The following NXPH1 variants were observed in gnomAD, a reference collection of about 807,000 sequenced individuals.
NXPH1 encodes the protein neurexophilin 1, also known as neurexophilin-1.
NXPH1 carries 5 observed loss-of-function variants against 23.7 expected under a neutral mutation model. The observed-to-expected ratio is 0.21, with a 90% CI of 0.11 to 0.44. The LOEUF (loss-of-function observed/expected upper bound fraction) is 0.44, where lower values mean the gene tolerates loss of function less well. Among genes scored for constraint, NXPH1 ranks in the 20% least tolerant of loss-of-function variants. The probability of loss-of-function intolerance (pLI) is 0.99; values close to 1 mark genes in which losing one functional copy is unlikely to be tolerated. For missense variants in NXPH1, 324 were observed against 321.6 expected (o/e 1.01, Z -0.06); for synonymous variants, 144 against 122.2 (o/e 1.18, Z -1.18).
At chr7:8,691,109 C>G (rs1409064764) in intron 2 of NXPH1, among the ~76,000 whole-genome samples, 2 of 152,040 alleles carry the variant, frequency 1.3e-5, no homozygotes, top group Non-Finnish European at 2.9e-5. Flanking sequence ...GGGTATAATC[C>G]TAACTTTCCA....
intron 2 of NXPH1, among the ~76,000 whole-genome samples, chr7:8,550,563 T>C (rs1167882787): frequency 6.6e-6 from 1 of 151,562 alleles, no homozygotes. Flanking sequence ...TTAAAAATAG[T>C]ATTACTTTAT....
chr7:8,678,181 A>C (rs1463029615), intron 2 of NXPH1, among the ~76,000 whole-genome samples: 1 of 152,160 alleles, frequency 6.6e-6, no homozygotes. Context: ...TCGCTAGTAC[A>C]CTAGTACTAT....
At position 8,475,337 on chromosome 7, in the gene NXPH1, T is replaced by C. The variant is rs561542089; in HGVS notation, c.54+39570T>C. Among the ~76,000 whole-genome samples the C allele has an allele frequency of 2.6e-5, 4 of 152,190 alleles. No homozygotes were observed. In the South Asian group the frequency reaches 6.2e-4, roughly 24 times the overall value. ...TTTACCTTTAATAGGAACCTTTCTG[T>C]TCTATAACTAAACCATAAGGTTGAA... On this transcript the variant is annotated intron_variant, in intron 2 of 2. Coordinates refer to ENST00000405863, the MANE Select transcript of NXPH1 (RefSeq NM_152745.3).
chr7:8,589,829 C>G (rs1352243324), intron 2 of NXPH1, among the ~76,000 whole-genome samples: 1 of 152,018 alleles, frequency 6.6e-6, no homozygotes, highest in Non-Finnish European at 1.5e-5. Flanking sequence ...TAGATAGCCA[C>G]CATCCAATAA....
chr7:8,695,424 TG>T (rs1821292750), intron 2 of NXPH1, among the ~76,000 whole-genome samples: 1 of 152,224 alleles, frequency 6.6e-6, no homozygotes, highest in Admixed American at 6.5e-5. Flanking sequence ...AGAGTTATTA[TG>T]TTTTTTTTCC....
chr7:8,453,677 G>A (rs1007436375), intron 2 of NXPH1, among the ~76,000 whole-genome samples: 2 of 152,174 alleles, frequency 1.3e-5, no homozygotes, highest in South Asian at 2.1e-4. Flanking sequence ...TACACATAGT[G>A]GTTTTAAGAT....
intron 2 of NXPH1, among the ~76,000 whole-genome samples, chr7:8,658,934 T>C (rs1464244994): frequency 6.6e-6 from 1 of 152,082 alleles, no homozygotes; most frequent in Non-Finnish European, 1.5e-5. Flanking sequence ...TAACTTAATA[T>C]TTAAATGCTG....
chr7:8,458,240 G>T (rs1816633994), intron 2 of NXPH1, among the ~76,000 whole-genome samples: 1 of 152,182 alleles, frequency 6.6e-6, no homozygotes, highest in Non-Finnish European at 1.5e-5. Context: ...AGGGTCTCTG[G>T]AATTGACTAG....
chr7:8,466,091 T>G (rs1208154179), intron 2 of NXPH1, among the ~76,000 whole-genome samples: 1 of 152,204 alleles, frequency 6.6e-6, no homozygotes, highest in African/African-American at 2.4e-5. Flanking sequence ...GGGGATTTGG[T>G]ACTGTTGGCT....
chr7:8,553,233 C>A (rs1455398058), intron 2 of NXPH1, among the ~76,000 whole-genome samples: 1 of 151,350 alleles, frequency 6.6e-6, no homozygotes, highest in Non-Finnish European at 1.5e-5. Flanking sequence ...TTCCAGTGGG[C>A]AAACCAGTTT....
chr7:8,529,178 C>T (rs942164846), intron 2 of NXPH1, among the ~76,000 whole-genome samples: 1 of 152,220 alleles, frequency 6.6e-6, no homozygotes, highest in Admixed American at 6.5e-5. Flanking sequence ...TTCTTCTGTC[C>T]TTTGATTTTA....
chr7:8,649,620 A>C (rs1675231585), intron 2 of NXPH1, among the ~76,000 whole-genome samples: 1 of 152,132 alleles, frequency 6.6e-6, no homozygotes, highest in Non-Finnish European at 1.5e-5. Context: ...CTAGGTTCCA[A>C]GTCTATTGCA....
At chr7:8,638,318 A>C (rs1217467778) in intron 2 of NXPH1, among the ~76,000 whole-genome samples, 1 of 152,168 alleles carries the variant, frequency 6.6e-6, no homozygotes, top group African/African-American at 2.4e-5. Context: ...CAGAAAAAGC[A>C]GAGGGACCAC....
chr7:8,604,720 C>T (rs966491311), intron 2 of NXPH1, among the ~76,000 whole-genome samples: 2 of 152,034 alleles, frequency 1.3e-5, no homozygotes, highest in African/African-American at 4.8e-5. Context: ...ATATTATAGG[C>T]AGGTTCCAAT....
At chr7:8,508,570 C>T (rs930455787) in intron 2 of NXPH1, among the ~76,000 whole-genome samples, 5 of 152,100 alleles carry the variant, frequency 3.3e-5, no homozygotes, top group Non-Finnish European at 7.4e-5. Context: ...CTTGGATAAA[C>T]ACTGTGGGTG....
chr7:8,726,397 C>T (rs922814532), intron 2 of NXPH1, among the ~76,000 whole-genome samples: 26 of 151,068 alleles, frequency 1.7e-4, no homozygotes, highest in African/African-American at 5.6e-4. Context: ...AGGTTAGTTA[C>T]ATATGTATAC....
intron 2 of NXPH1, among the ~76,000 whole-genome samples, chr7:8,601,138 C>T (rs745751158): frequency 8.5e-5 from 13 of 152,244 alleles, no homozygotes; most frequent in Non-Finnish European, 1.6e-4. Flanking sequence ...CAATGCCCCT[C>T]AGATACCGAG....
In NXPH1 at chr7:8,442,533, C is replaced by A. The variant is rs1563311449; in HGVS notation, c.54+6766C>A. Among the ~76,000 whole-genome samples, 1 of 152,196 alleles carries A rather than the reference C, an allele frequency of 6.6e-6. No individual in the cohort carries two copies. The highest frequency in any genetic ancestry group is 1.5e-5 in the Non-Finnish European group (1 of 68,030). ...ACACATCCCACCCTATGTCTTAGAC[C>A]CCGTCCTCACACATTGACTTTAAAA... On this transcript the variant is annotated intron_variant, in intron 2 of 2. Transcript: ENST00000405863. The surrounding 1 kb of genome is among the most constrained non-coding windows in gnomAD (Gnocchi z 4.6).
intron 2 of NXPH1, among the ~76,000 whole-genome samples, chr7:8,641,380 T>C (rs908097293): frequency 6.6e-6 from 1 of 152,114 alleles, no homozygotes; most frequent in African/African-American, 2.4e-5. Context: ...GGATGACAAA[T>C]TGTTATTTTT....
Sources: allele counts gnomAD v4.1 joint callset (sites outside exome capture counted in the v4.1 genomes callset), GRCh38; gene constraint gnomAD v4.1.1; non-coding constraint Gnocchi (gnomAD v3.1); transcripts MANE v1.5; gene names NCBI Gene and HGNC (gene_info 2026-07-23, HGNC 2026-07-21).